GULP1: variants seen among roughly 807,000 people sequenced by gnomAD.
GULP1 encodes the protein GULP PTB domain containing engulfment adaptor 1, also known as PTB domain-containing engulfment adapter protein 1.
Under a neutral mutation model 40.9 loss-of-function variants are expected in GULP1, and 19 were observed. The ratio of observed to expected loss-of-function variants is 0.46; its 90% CI spans 0.32 to 0.68. GULP1 has a LOEUF of 0.68. Ranked by LOEUF, GULP1 falls within the 30% of genes least tolerant of loss-of-function variation. The pLI, the probability that GULP1 is intolerant of heterozygous loss-of-function variation, is 0.03. For synonymous variants in GULP1, 119 were observed against 117.6 expected (o/e 1.01, Z -0.08); for missense variants, 312 against 362.2 (o/e 0.86, Z 1.12).
intron 1 of GULP1, among the ~76,000 whole-genome samples, chr2:188,311,133 C>T (rs2038021241): frequency 6.6e-6 from 1 of 152,188 alleles, no homozygotes; most frequent in Non-Finnish European, 1.5e-5. Flanking sequence ...TTATGGGCCT[C>T]CAACTCAAGG....
chr2:188,336,487 C>T (rs116105036), intron 1 of GULP1, among the ~76,000 whole-genome samples: 80 of 152,272 alleles, frequency 5.3e-4, no homozygotes, highest in African/African-American at 1.8e-3. Context: ...CCTAATCTCA[C>T]AGAGCTTTCA....
intron 4 of GULP1, among the ~76,000 whole-genome samples, chr2:188,510,018 T>C (rs1281155821): frequency 6.6e-6 from 1 of 152,106 alleles, no homozygotes; most frequent in Non-Finnish European, 1.5e-5. Flanking sequence ...TAATCCAGTG[T>C]CTCAGAGAAA....
chr2:188,324,034 C>T (rs192870982), intron 1 of GULP1, among the ~76,000 whole-genome samples: 2 of 145,440 alleles, frequency 1.4e-5, no homozygotes, highest in Non-Finnish European at 2.9e-5. Context: ...TTTATGCCTT[C>T]TTATATTTTC....
chr2:188,301,564 A>G (rs556975067), intron 1 of GULP1, among the ~76,000 whole-genome samples: 57 of 152,258 alleles, frequency 3.7e-4, no homozygotes, highest in South Asian at 2.9e-3. Context: ...AACTCAGGGG[A>G]AGTCAATCCT....
At chr2:188,389,969 A>T (rs898631968) in intron 2 of GULP1, among the ~76,000 whole-genome samples, 6 of 151,418 alleles carry the variant, frequency 4.0e-5, no homozygotes, top group African/African-American at 1.2e-4. Context: ...TTTTTTTTTT[A>T]AATGGCTGAG....
chr2:188,322,272 A>G (rs927403684), intron 1 of GULP1, among the ~76,000 whole-genome samples: 9 of 152,060 alleles, frequency 5.9e-5, no homozygotes, highest in African/African-American at 2.2e-4. Context: ...ATAGAGTATA[A>G]TTCAGTATGC....
chr2:188,576,388 T>G (rs1700190836), intron 9 of GULP1, among the ~76,000 whole-genome samples: 1 of 152,094 alleles, frequency 6.6e-6, no homozygotes, highest in Non-Finnish European at 1.5e-5. Context: ...TTGTTCAGTA[T>G]TAAAATTAAG....
intron 2 of GULP1, among the ~76,000 whole-genome samples, chr2:188,414,348 C>T (rs531491619): frequency 9.9e-5 from 15 of 151,582 alleles, no homozygotes; most frequent in African/African-American, 3.1e-4. Flanking sequence ...ATATTCTTTG[C>T]GAAGAAGCTA....
intron 1 of GULP1, among the ~76,000 whole-genome samples, chr2:188,353,219 A>G (rs1243961994): frequency 1.3e-5 from 2 of 152,220 alleles, no homozygotes; most frequent in Admixed American, 1.3e-4. Flanking sequence ...AGTAGAAAAT[A>G]CTAAATAAAA....
chr2:188,345,674 T>C (rs2043549933), intron 1 of GULP1, among the ~76,000 whole-genome samples: 1 of 152,180 alleles, frequency 6.6e-6, no homozygotes, highest in Non-Finnish European at 1.5e-5. Flanking sequence ...GGCCACTCTT[T>C]CAAGAAGGCT....
intron 6 of GULP1, among the ~76,000 whole-genome samples, chr2:188,532,062 TGTC>T (rs1243763068): frequency 2.0e-5 from 3 of 152,118 alleles, no homozygotes; most frequent in Non-Finnish European, 4.4e-5. Context: ...GTTTGGGGCT[TGTC>T]CCAGCACACA....
At chr2:188,396,153 T>A (rs1559190318) in intron 2 of GULP1, among the ~76,000 whole-genome samples, 1 of 152,062 alleles carries the variant, frequency 6.6e-6, no homozygotes, top group Non-Finnish European at 1.5e-5. Context: ...GTAGAAGTGG[T>A]GGGATTTGTG....
intron 2 of GULP1, among the ~76,000 whole-genome samples, chr2:188,436,150 G>T (rs2057384684): frequency 6.6e-6 from 1 of 152,154 alleles, no homozygotes; most frequent in East Asian, 1.9e-4. Flanking sequence ...GGTGGGCAAG[G>T]ATCTTGGGGT....
chr2:188,360,789 C>G (rs961691924), intron 1 of GULP1, among the ~76,000 whole-genome samples: 34 of 152,054 alleles, frequency 2.2e-4, no homozygotes, highest in African/African-American at 8.0e-4. Context: ...CACAAACTGC[C>G]TTTTAGAAAT....
chr2:188,568,644 A>T (rs939578574), intron 7 of GULP1, among the ~76,000 whole-genome samples: 3 of 152,242 alleles, frequency 2.0e-5, no homozygotes, highest in Admixed American at 6.5e-5. Flanking sequence ...CTCATCTTTC[A>T]TACATAAGAT....
intron 7 of GULP1, among the ~76,000 whole-genome samples, chr2:188,544,489 T>C (rs1331527992): frequency 6.6e-6 from 1 of 151,876 alleles, no homozygotes; most frequent in Non-Finnish European, 1.5e-5. Flanking sequence ...TATACATATG[T>C]AACAAACGTG....
intron 1 of GULP1, among the ~76,000 whole-genome samples, chr2:188,358,495 C>T (rs773715238): frequency 1.3e-5 from 2 of 152,070 alleles, no homozygotes; most frequent in Non-Finnish European, 2.9e-5. Context: ...GGATACTGAA[C>T]GTTACCAACA....
intron 2 of GULP1, among the ~76,000 whole-genome samples, chr2:188,430,522 G>A (rs186241306): frequency 1.3e-5 from 2 of 152,270 alleles, no homozygotes; most frequent in Admixed American, 1.3e-4. Flanking sequence ...GACTCTTAGC[G>A]ACAACATGGG....
At chr2:188,561,113 G>C (rs549959093) in intron 7 of GULP1, among the ~76,000 whole-genome samples, 110 of 152,360 alleles carry the variant, frequency 7.2e-4, no homozygotes, top group African/African-American at 2.5e-3. Context: ...TGGTGGATTT[G>C]TGCTGGGGAC....
Sources: gnomAD v4.1 joint callset for allele counts (sites outside exome capture counted in the v4.1 genomes callset) on GRCh38, gnomAD v4.1.1 for gene constraint, MANE v1.5 for transcripts, NCBI Gene and HGNC (gene_info 2026-07-23, HGNC 2026-07-21) for gene names.